BOLL: variants seen among roughly 807,000 people sequenced by gnomAD.
BOLL encodes boule RNA binding protein, also known as protein boule-like.
A neutral mutation model predicts 44.4 loss-of-function variants in BOLL; 23 were observed. The ratio of observed to expected loss-of-function variants is 0.52; its 90% CI spans 0.37 to 0.73. The LOEUF (loss-of-function observed/expected upper bound fraction) is 0.73. Ranked by LOEUF, BOLL falls within the 30% of genes least tolerant of loss-of-function variation. BOLL has a pLI of 0.00. For synonymous variants in BOLL, 97 were observed against 110.8 expected (o/e 0.88, Z 0.78); for missense variants, 287 against 338.3 (o/e 0.85, Z 1.19).
intron 6 of BOLL, among the ~76,000 whole-genome samples, chr2:197,771,194 G>T (rs1039978043): frequency 6.6e-5 from 10 of 152,184 alleles, no homozygotes; most frequent in Admixed American, 6.5e-4. Context: ...CGTGTGCTTT[G>T]CAGGGATATG....
At chr2:197,729,041 T>G (rs1686993185) in intron 10 of BOLL, among the ~76,000 whole-genome samples, 1 of 152,112 alleles carries the variant, frequency 6.6e-6, no homozygotes, top group South Asian at 2.1e-4. Flanking sequence ...GACGGGTGAT[T>G]TCTGCATTTC....
chr2:197,755,984 A>G (rs1688501764), intron 9 of BOLL: 1 of 152,278 alleles, frequency 6.6e-6, no homozygotes, highest in Non-Finnish European at 1.5e-5. Context: ...GATCAGAAAT[A>G]TAATTTAAAG....
chr2:197,756,528 T>C lies in BOLL; in HGVS notation c.629A>G (p.Tyr210Cys). Reference protein sequence around the residue: ...QPSASSAPFLYLQPSEVIYQP... With the variant: ...QPSASSAPFLCLQPSEVIYQP... The stretch of plus-strand genomic sequence containing the variant: ...ATAAATAACCTCAGAAGGTTGCAGG[T>C]ATAAGAATGGAGCAGAAGAGGCAGA... Residue 210 changes from tyrosine (Y) to cysteine (C), a missense_variant, in exon 9 of 11, where the codon TAC (tyrosine) becomes TGC (cysteine). By Grantham distance (194) the Tyr-to-Cys change is radical (BLOSUM62 -2). Coordinates refer to ENST00000392296, the MANE Select transcript of BOLL (RefSeq NM_033030.6). 6.2e-7 allele frequency: 1 copy of C among 1,611,630 alleles called. No homozygotes were observed. The highest frequency in any genetic ancestry group is 8.5e-7 in the Non-Finnish European group (1 of 1,178,432).
chr2:197,755,109 A>G (rs1426748381), intron 9 of BOLL, among the ~76,000 whole-genome samples: 4 of 152,216 alleles, frequency 2.6e-5, no homozygotes, highest in Non-Finnish European at 4.4e-5. Flanking sequence ...ACACTTCTCA[A>G]AAGAAGACAT....
chr2:197,757,263 C>G, intron 8 of BOLL, 90 bp downstream of exon 8: 1 of 1,138,152 alleles, frequency 8.8e-7, no homozygotes, highest in Non-Finnish European at 1.3e-6. Flanking sequence ...AAGAAGGTCT[C>G]AAATCTAAAA....
At chr2:197,778,550 C>T (rs193302351) in intron 3 of BOLL, among the ~76,000 whole-genome samples, 1 of 151,754 alleles carries the variant, frequency 6.6e-6, no homozygotes, top group East Asian at 1.9e-4. Flanking sequence ...TCATACTGGT[C>T]CCCTAATTAG....
chr2:197,771,523 A>C (rs1047219329), intron 6 of BOLL, among the ~76,000 whole-genome samples: 1 of 152,096 alleles, frequency 6.6e-6, no homozygotes, highest in Non-Finnish European at 1.5e-5. Context: ...AAAATAAAAA[A>C]TAAAAACCAC....
intron 10 of BOLL, among the ~76,000 whole-genome samples, chr2:197,737,265 C>G (rs2106319001): frequency 6.6e-6 from 1 of 152,050 alleles, no homozygotes; most frequent in South Asian, 2.1e-4. Context: ...TTCACAGAAT[C>G]CATATAATAC....
In BOLL at chr2:197,728,515, C is replaced by A. The variant is rs773039348; in HGVS notation, c.*40G>T. 1.2e-5 allele frequency: 19 copies of A among 1,613,776 alleles called. No homozygotes were observed. In the South Asian group the frequency reaches 2.1e-4, roughly 18 times the overall value. On this transcript the variant is annotated 3_prime_UTR_variant, in exon 11 of 11. Coordinates refer to ENST00000392296, the MANE Select transcript of BOLL (RefSeq NM_033030.6). The stretch of plus-strand genomic sequence containing the variant: ...TCTCGGCCACGCAAGGATCATTGGA[C>A]AAGAAATCAGTTGAGCTGGAATAGA...
intron 6 of BOLL, among the ~76,000 whole-genome samples, chr2:197,770,269 G>T (rs1370883521): frequency 5.3e-5 from 8 of 152,130 alleles, no homozygotes; most frequent in Non-Finnish European, 1.0e-4. Flanking sequence ...TTAATAAATG[G>T]TGCTAGGAAA....
chr2:197,751,487 C>T (rs1182948826), intron 9 of BOLL, among the ~76,000 whole-genome samples: 2 of 152,106 alleles, frequency 1.3e-5, no homozygotes, highest in African/African-American at 4.8e-5. Context: ...CACAGAAATA[C>T]AAACTACCAT....
chr2:197,735,647 T>C (rs1687451322), intron 10 of BOLL, among the ~76,000 whole-genome samples: 1 of 152,166 alleles, frequency 6.6e-6, no homozygotes, highest in African/African-American at 2.4e-5. Context: ...AGAAACTCTA[T>C]TATTTCTATA....
intron 9 of BOLL, among the ~76,000 whole-genome samples, chr2:197,744,516 C>T (rs1687904990): frequency 1.3e-5 from 2 of 152,134 alleles, no homozygotes; most frequent in South Asian, 2.1e-4. Context: ...AGGACCTTTA[C>T]CCAAGGCAGC....
At chr2:197,759,739 C>T (rs1688668845) in intron 7 of BOLL, among the ~76,000 whole-genome samples, 1 of 152,176 alleles carries the variant, frequency 6.6e-6, no homozygotes, top group South Asian at 2.1e-4. Flanking sequence ...TGAACCCACT[C>T]TTTAGCTGGT....
intron 9 of BOLL, among the ~76,000 whole-genome samples, chr2:197,746,350 G>T (rs765306057): frequency 6.6e-6 from 1 of 152,166 alleles, no homozygotes; most frequent in Non-Finnish European, 1.5e-5. Flanking sequence ...CCATTTCCAT[G>T]TTCACTCCAG....
At chr2:197,760,331 A>G (rs1322159569) in intron 7 of BOLL, among the ~76,000 whole-genome samples, 1 of 152,188 alleles carries the variant, frequency 6.6e-6, no homozygotes, top group Non-Finnish European at 1.5e-5. Flanking sequence ...ACATGTCCCT[A>G]GCCGACTGAA....
chr2:197,742,873 C>T (rs1687819098), intron 10 of BOLL, among the ~76,000 whole-genome samples, 188 bp downstream of exon 10: 2 of 150,956 alleles, frequency 1.3e-5, no homozygotes, highest in East Asian at 3.9e-4. Context: ...CATATATTAC[C>T]ACAATAAATA....
chr2:197,744,671 G>A (rs746989332), intron 9 of BOLL, among the ~76,000 whole-genome samples: 1 of 152,180 alleles, frequency 6.6e-6, no homozygotes, highest in African/African-American at 2.4e-5. Flanking sequence ...GGGAGTGTGT[G>A]TCACAGGATA....
intron 7 of BOLL, among the ~76,000 whole-genome samples, chr2:197,765,875 C>A (rs899173686): frequency 2.0e-5 from 3 of 151,996 alleles, no homozygotes; most frequent in Non-Finnish European, 2.9e-5. Flanking sequence ...ACCCCAGTGT[C>A]TACTGTTCCC....
Sources: gnomAD v4.1 joint callset for allele counts (sites outside exome capture counted in the v4.1 genomes callset) on GRCh38, gnomAD v4.1.1 for gene constraint, MANE v1.5 for transcripts, NCBI Gene and HGNC (gene_info 2026-07-23, HGNC 2026-07-21) for gene names.